Variants in SEC24D observed in about 807,000 individuals in gnomAD.
SEC24D encodes SEC24 homolog D, COPII component.
A neutral mutation model predicts 116.9 loss-of-function variants in SEC24D; 69 were observed. That is an observed-to-expected ratio of 0.59 (90% CI 0.49 to 0.72). SEC24D has a LOEUF of 0.72. SEC24D is among the 30% of genes least tolerant of loss of function. SEC24D has a pLI of 0.00. For synonymous variants in SEC24D, 405 were observed against 442.8 expected, an observed-to-expected ratio of 0.91 and a Z score of 1.07; for missense variants, 1,131 against 1,264.1, an observed-to-expected ratio of 0.89 and a Z score of 1.60.
chr4:118,736,269 G>A (rs1221713729), intron 19 of SEC24D: 1 of 152,676 alleles, frequency 6.5e-6, no homozygotes, highest in Non-Finnish European at 1.5e-5. Context: ...CCTCTCAAAG[G>A]GCTGGGATTA....
At chr4:118,810,912 C>G (rs139274591) in intron 6 of SEC24D, among the ~76,000 whole-genome samples, 3 of 152,188 alleles carry the variant, frequency 2.0e-5, no homozygotes, top group African/African-American at 7.2e-5. Context: ...GTGGGGTAGG[C>G]AGAGATATAA....
chr4:118,816,724 T>G (rs1730166543), intron 4 of SEC24D: 2 of 434,602 alleles, frequency 4.6e-6, no homozygotes, highest in Non-Finnish European at 9.1e-6. Context: ...GTCATTACAG[T>G]GGAGCTTTCC....
At position 118,797,775 on chromosome 4, in the gene SEC24D, A is replaced by G. The variant is rs922815524; in HGVS notation, c.949T>C (p.Tyr317His). ...ATATCTGACGTGCATGGAAAACAGT[A>G]TGTTGTACAACGGATGAATCGAGGA... ...ASPRFIRCTTYCFPCTSDMAK... is the reference protein window; with the variant it reads ...ASPRFIRCTTHCFPCTSDMAK... The change falls in exon 8 of 23, where the codon TAC becomes CAC. Residue 317 changes from tyrosine (Y) to histidine (H), a missense_variant. Transcript: ENST00000280551. 6.2e-7 allele frequency: 1 copy of G among 1,610,520 alleles called. No individual in the cohort carries two copies. The highest frequency in any genetic ancestry group is 1.3e-5 in the African/African-American group (1 of 74,898).
intron 3 of SEC24D, among the ~76,000 whole-genome samples, chr4:118,822,435 T>C (rs1730436992): frequency 6.6e-6 from 1 of 152,158 alleles, no homozygotes; most frequent in Non-Finnish European, 1.5e-5. Flanking sequence ...GTGAAATAAA[T>C]GGCAATAAAC....
intron 6 of SEC24D, among the ~76,000 whole-genome samples, chr4:118,808,041 A>C (rs1163297524): frequency 6.6e-6 from 1 of 152,096 alleles, no homozygotes; most frequent in Non-Finnish European, 1.5e-5. Context: ...GGTTCACTGC[A>C]GCCTCAATCT....
intron 8 of SEC24D, among the ~76,000 whole-genome samples, chr4:118,785,911 C>T (rs190242881): frequency 1.0e-3 from 153 of 152,170 alleles, no homozygotes; most frequent in African/African-American, 3.5e-3. Context: ...ATATAGCAGA[C>T]ACCCAAAATC....
chr4:118,808,629 AT>A (rs1294911331), intron 6 of SEC24D, among the ~76,000 whole-genome samples: 1 of 152,228 alleles, frequency 6.6e-6, no homozygotes, highest in Non-Finnish European at 1.5e-5. Context: ...AGGCTTAGAG[AT>A]AAAGAAGCTT....
At chr4:118,748,307 A>G (rs1255428664) in intron 13 of SEC24D, among the ~76,000 whole-genome samples, 1 of 152,120 alleles carries the variant, frequency 6.6e-6, no homozygotes, top group Non-Finnish European at 1.5e-5. Context: ...TCTGAGGGAA[A>G]AAAAAATCAG....
At chr4:118,801,563 A>C (rs1392508829) in intron 7 of SEC24D, among the ~76,000 whole-genome samples, 1 of 152,222 alleles carries the variant, frequency 6.6e-6, no homozygotes, top group Non-Finnish European at 1.5e-5. Flanking sequence ...TCATCATTAC[A>C]CAACGTTATA....
chr4:118,825,168 G>A (rs961440376), intron 2 of SEC24D, among the ~76,000 whole-genome samples: 1 of 152,180 alleles, frequency 6.6e-6, no homozygotes, highest in Admixed American at 6.6e-5. Flanking sequence ...CGGGGCATGG[G>A]GGAGAACACT....
rs1483038265 is a variant in SEC24D at position 118,822,205 on chromosome 4, C to T, written c.248+2415G>A. 6.6e-5 allele frequency among the ~76,000 whole-genome samples: 10 copies of T among 152,214 alleles called. 2 individuals carry two copies. In the South Asian group the frequency reaches 1.2e-3, roughly 19 times the overall value. On this transcript the variant is annotated intron_variant, in intron 3 of 22. Coordinates refer to ENST00000280551, the MANE Select transcript of SEC24D (RefSeq NM_014822.4). The stretch of plus-strand genomic sequence containing the variant: ...TTAATCATTAAAATCCTCACAACCA[C>T]ATATTATTGTTAAAATCGTCATGAG...
chr4:118,740,616 C>A, intron 17 of SEC24D, 47 bp downstream of exon 17: 2 of 1,597,972 alleles, frequency 1.3e-6, no homozygotes, highest in South Asian at 2.2e-5. Context: ...TGATCATTGT[C>A]GGCAACAAAC....
intron 8 of SEC24D, among the ~76,000 whole-genome samples, chr4:118,785,888 T>C (rs1560695492): frequency 6.6e-6 from 1 of 152,178 alleles, no homozygotes; most frequent in Non-Finnish European, 1.5e-5. Flanking sequence ...GTTCTCATAC[T>C]TCTCTTTCTT....
intron 8 of SEC24D, among the ~76,000 whole-genome samples, chr4:118,786,449 C>T (rs1728667666): frequency 6.6e-6 from 1 of 152,204 alleles, no homozygotes; most frequent in Non-Finnish European, 1.5e-5. Context: ...AGACGCACAG[C>T]TGCACACACT....
Position 118,824,824 on chromosome 4 carries a change from A to T in SEC24D, c.119-75T>A, listed in dbSNP as rs1730532640. 6 of 1,361,176 alleles carry T rather than the reference A, an allele frequency of 4.4e-6. No individual in the cohort carries two copies. In the South Asian group the frequency reaches 7.6e-5, roughly 17 times the overall value. 84.3% of individuals were successfully genotyped at this position (1,361,176 alleles called of 1,614,324 possible). On this transcript the variant is annotated intron_variant, in intron 2 of 22. Coordinates refer to ENST00000280551, the MANE Select transcript of SEC24D (RefSeq NM_014822.4). ...ATGAGGCAAAGTCATTAGGTTAAAA[A>T]TGAGAACTAGGTGGAGGAGGAGGGA...
At chr4:118,768,712 G>C (rs1413731462) in intron 8 of SEC24D, among the ~76,000 whole-genome samples, 1 of 151,530 alleles carries the variant, frequency 6.6e-6, no homozygotes, top group Non-Finnish European at 1.5e-5. Context: ...AATTTTTAAG[G>C]AACTCAACTC....
In SEC24D at chr4:118,734,374, G is replaced by A. The variant is rs146797340; in HGVS notation, c.2497-1462C>T. Among the ~76,000 whole-genome samples, 433 of 151,680 alleles carry A rather than the reference G, an allele frequency of 2.9e-3. 7 individuals carry two copies. The East Asian group carries it at 0.043, about 15-fold the overall frequency. ...ATTACAGGCATGTACCACCACACCCGGCTAACTTTTGTTTTTTTAGTAGAG... is the reference window on the plus strand; with the variant it reads ...ATTACAGGCATGTACCACCACACCCAGCTAACTTTTGTTTTTTTAGTAGAG... On this transcript the variant is annotated intron_variant, in intron 19 of 22. Coordinates refer to ENST00000280551, the MANE Select transcript of SEC24D (RefSeq NM_014822.4).
At chr4:118,738,793 G>C (rs1726091992) in intron 18 of SEC24D, among the ~76,000 whole-genome samples, 1 of 152,130 alleles carries the variant, frequency 6.6e-6, no homozygotes, top group South Asian at 2.1e-4. Flanking sequence ...TCATGGTATG[G>C]ATAAGCAAGT....
Position 118,741,047 on chromosome 4 carries a change from AAAAGT to A in SEC24D, c.1996-15_1996-11del. On this transcript the variant is annotated splice_polypyrimidine_tract_variant and intron_variant, in intron 15 of 22. Coordinates refer to ENST00000280551, the MANE Select transcript of SEC24D (RefSeq NM_014822.4). Reference sequence around the variant, plus strand: ...GTCTATCCAAGTGCATCTAAAAAATAAAAGTCTAATCAATGTCCACCAGATGGCAG... The same window carrying A: ...GTCTATCCAAGTGCATCTAAAAAATACTAATCAATGTCCACCAGATGGCAG... 1 of 1,493,252 alleles carries A rather than the reference AAAAGT, an allele frequency of 6.7e-7. No individual in the cohort carries two copies. Among genetic ancestry groups the A allele is most frequent in the Non-Finnish European group, 9.2e-7 (1 of 1,092,468 alleles). 92.5% of individuals were successfully genotyped at this position (1,493,252 alleles called of 1,614,324 possible).
Sources: allele counts gnomAD v4.1 joint callset (sites outside exome capture counted in the v4.1 genomes callset), GRCh38; gene constraint gnomAD v4.1.1; transcripts MANE v1.5; gene names NCBI Gene and HGNC (gene_info 2026-07-23, HGNC 2026-07-21).